Variants in CACNB2 observed in about 807,000 individuals in gnomAD.
CACNB2 encodes the protein voltage-dependent L-type calcium channel subunit beta-2.
Under a neutral mutation model 73.3 loss-of-function variants are expected in CACNB2, and 42 were observed. The ratio of observed to expected loss-of-function variants is 0.57; its 90% CI spans 0.45 to 0.74. The LOEUF (loss-of-function observed/expected upper bound fraction) is 0.74. CACNB2 is among the 30% of genes least tolerant of loss of function. CACNB2 has a pLI of 0.00. For missense variants in CACNB2, 940 were observed against 853.0 expected (o/e 1.10, Z -1.27); for synonymous variants, 348 against 310.3 (o/e 1.12, Z -1.28).
At chr10:18,267,344 T>C (rs2037856425) in intron 2 of CACNB2, among the ~76,000 whole-genome samples, 1 of 152,116 alleles carries the variant, frequency 6.6e-6, no homozygotes, top group Non-Finnish European at 1.5e-5. Flanking sequence ...GGTGGCTCGC[T>C]CCTGTAATCC....
intron 3 of CACNB2, among the ~76,000 whole-genome samples, chr10:18,440,067 G>A (rs1436080800): frequency 3.3e-5 from 5 of 152,176 alleles, no homozygotes; most frequent in Admixed American, 1.3e-4. Context: ...TCAAGGCACC[G>A]GTAGATTCAG....
intron 2 of CACNB2, among the ~76,000 whole-genome samples, chr10:18,274,770 A>G (rs1006701879): frequency 6.6e-6 from 1 of 152,204 alleles, no homozygotes; most frequent in African/African-American, 2.4e-5. Flanking sequence ...ATTTAAAAAT[A>G]ATAGGATTCT....
At chr10:18,195,140 G>A (rs1479181545) in intron 2 of CACNB2, among the ~76,000 whole-genome samples, 1 of 152,156 alleles carries the variant, frequency 6.6e-6, no homozygotes, top group East Asian at 1.9e-4. Context: ...TTCCCAAAAT[G>A]TAATGGGCTT....
intron 11 of CACNB2, among the ~76,000 whole-genome samples, chr10:18,535,405 G>A (rs1389546048): frequency 6.6e-6 from 1 of 152,074 alleles, no homozygotes; most frequent in Non-Finnish European, 1.5e-5. Context: ...AAGCAAACAG[G>A]AGACTGCAAT....
intron 3 of CACNB2, among the ~76,000 whole-genome samples, chr10:18,447,675 G>A (rs893353457): frequency 6.6e-6 from 1 of 151,864 alleles, no homozygotes. Context: ...ATTAGAACAT[G>A]GTAGGTGTGG....
chr10:18,220,150 TATATAC>T (rs1228383829), intron 2 of CACNB2, among the ~76,000 whole-genome samples: 1,222 of 22,120 alleles, frequency 0.055, 12 homozygotes, highest in African/African-American at 0.077. Flanking sequence ...TATATATATA[TATATAC>T]ACACACACAC....
chr10:18,351,726 T>G (rs986552451), intron 2 of CACNB2, among the ~76,000 whole-genome samples: 20 of 152,232 alleles, frequency 1.3e-4, no homozygotes, highest in African/African-American at 4.6e-4. Context: ...TAAACTAGAT[T>G]GGTTCTTAAT....
intron 9 of CACNB2, among the ~76,000 whole-genome samples, chr10:18,519,565 G>A (rs948710323): frequency 3.3e-5 from 5 of 152,178 alleles, no homozygotes; most frequent in South Asian, 2.1e-4. Flanking sequence ...TCTGCTAGAA[G>A]TATCCATACA....
intron 2 of CACNB2, among the ~76,000 whole-genome samples, chr10:18,153,831 C>A (rs2031808936): frequency 6.7e-6 from 1 of 148,240 alleles, no homozygotes; most frequent in South Asian, 2.2e-4. Context: ...ATCCGCCCAC[C>A]TTGGTGTGCC....
chr10:18,502,037 G>A (rs937541191), intron 5 of CACNB2, among the ~76,000 whole-genome samples: 1 of 152,222 alleles, frequency 6.6e-6, no homozygotes, highest in Non-Finnish European at 1.5e-5. Flanking sequence ...GGCCGGGCAT[G>A]GTGGCTCATG....
intron 3 of CACNB2, among the ~76,000 whole-genome samples, chr10:18,444,332 C>A (rs755212149): frequency 6.6e-6 from 1 of 152,124 alleles, no homozygotes; most frequent in Admixed American, 6.5e-5. Flanking sequence ...AGAGCCAGAA[C>A]GATCTGGGTT....
At chr10:18,152,709 C>CAAAAAAAAAAAAAAAAAAAAAAAAAAAAA (rs772732675) in intron 2 of CACNB2, among the ~76,000 whole-genome samples, 1 of 49,364 alleles carries the variant, frequency 2.0e-5, no homozygotes, top group Non-Finnish European at 3.7e-5. Context: ...TGAAACAGAC[C>CAAAAAAAAAAAAAAAAAAAAAAAAAAAAA]AAAAAAAAAA....
chr10:18,395,981 G>C (rs903184231), intron 2 of CACNB2, among the ~76,000 whole-genome samples: 4 of 152,226 alleles, frequency 2.6e-5, no homozygotes, highest in African/African-American at 9.6e-5. Flanking sequence ...TTTTGAGACA[G>C]GGTCTCCCTC....
chr10:18,175,305 A>T (rs1564317569), intron 2 of CACNB2, among the ~76,000 whole-genome samples: 1 of 152,206 alleles, frequency 6.6e-6, no homozygotes, highest in Non-Finnish European at 1.5e-5. Flanking sequence ...ACCTCAGAGA[A>T]GCACCAGAAA....
At position 18,356,938 on chromosome 10, in the gene CACNB2, A is replaced by ATGTCTTTTTTTTTTTTTTTTTTT. The variant is rs1436280481; in HGVS notation, c.214-44985_214-44984insGTCTTTTTTTTTTTTTTTTTTTT. ...AGCCACTGTGCCTGGCCCAGACTCA[A>ATGTCTTTTTTTTTTTTTTTTTTT]TTTCTTTTTTTTTTTTTTTTTTTTG... On this transcript the variant is annotated intron_variant, in intron 2 of 13. Coordinates refer to ENST00000324631, the MANE Select transcript of CACNB2 (RefSeq NM_201596.3). 7.4e-5 allele frequency among the ~76,000 whole-genome samples: 7 copies of ATGTCTTTTTTTTTTTTTTTTTTT among 94,446 alleles called. 2 individuals carry two copies. The highest frequency in any genetic ancestry group is 8.6e-5 in the Non-Finnish European group (4 of 46,404). 62.0% of individuals were successfully genotyped at this position (94,446 alleles called of 152,430 possible).
chr10:18,233,827 C>G (rs987618399), intron 2 of CACNB2, among the ~76,000 whole-genome samples: 1 of 152,178 alleles, frequency 6.6e-6, no homozygotes, highest in Non-Finnish European at 1.5e-5. Flanking sequence ...GCTTATTTAT[C>G]AACACACGAA....
At chr10:18,178,866 T>C (rs2033734955) in intron 2 of CACNB2, among the ~76,000 whole-genome samples, 1 of 152,202 alleles carries the variant, frequency 6.6e-6, no homozygotes, top group African/African-American at 2.4e-5. Flanking sequence ...GGTCTGGTAA[T>C]AGACCCCTGG....
At chr10:18,460,306 C>G (rs1296820700) in intron 3 of CACNB2, among the ~76,000 whole-genome samples, 1 of 151,976 alleles carries the variant, frequency 6.6e-6, no homozygotes, top group East Asian at 1.9e-4. Context: ...TCTGTTTGCA[C>G]ATTTACATTC....
intron 2 of CACNB2, chr10:18,260,335 A>C: frequency 1.6e-6 from 1 of 633,524 alleles, no homozygotes; most frequent in African/African-American, 2.0e-5. Flanking sequence ...ATTATATCTA[A>C]ATCATAGGTG....
Sources: allele counts gnomAD v4.1 joint callset (sites outside exome capture counted in the v4.1 genomes callset), GRCh38; gene constraint gnomAD v4.1.1; transcripts MANE v1.5; gene names NCBI Gene and HGNC (gene_info 2026-07-23, HGNC 2026-07-21).